Variants in BTBD19 observed in about 807,000 individuals in gnomAD.
BTBD19 encodes BTB/POZ domain-containing protein 19.
BTBD19 carries 20 observed loss-of-function variants against 36.1 expected under a neutral mutation model. That is an observed-to-expected ratio of 0.55 (90% CI 0.39 to 0.80). BTBD19 has a LOEUF of 0.80. BTBD19 is among the 30% of genes least tolerant of loss of function. The probability of loss-of-function intolerance (pLI) is 0.00; values close to 1 mark genes in which losing one functional copy is unlikely to be tolerated. For synonymous variants in BTBD19, 157 were observed against 174.3 expected, an observed-to-expected ratio of 0.90 and a Z score of 0.78; for missense variants, 325 against 389.8, an observed-to-expected ratio of 0.83 and a Z score of 1.40.
At position 44,810,324 on chromosome 1, in the gene BTBD19, C is replaced by T. The variant is rs751794823; in HGVS notation, c.198C>T (p.Pro66=). ...GACTTCTGGGCACAGAGCCAGGCCC[C>T]GGGGTGCCCAGTCCTGTGGTGCTAA... Residue 66 remains proline (P), a synonymous_variant, in exon 2 of 8, where the codon CCC becomes CCT. Transcript: ENST00000450269. The surrounding 1 kb of genome is among the most constrained non-coding windows in gnomAD (Gnocchi z 4.2). 11 of 1,551,706 alleles carry T rather than the reference C, an allele frequency of 7.1e-6. No homozygotes were observed. Among genetic ancestry groups the T allele is most frequent in the African/African-American group, 2.7e-5 (2 of 73,064 alleles).
In BTBD19 at chr1:44,810,860, T is replaced by C. The variant is rs1188018755; in HGVS notation, c.354+253T>C. ...GCTGTAGATACAAAGATATCAGCCTTGATCCGTGTTCTCCAGAGAGGGAGA... is the reference window on the plus strand; with the variant it reads ...GCTGTAGATACAAAGATATCAGCCTCGATCCGTGTTCTCCAGAGAGGGAGA... On this transcript the variant is annotated intron_variant, in intron 3 of 7. Transcript: ENST00000450269. This position sits in a 1 kb window ranked among gnomAD's most constrained non-coding sequence, Gnocchi z 4.2. The C allele has an allele frequency of 5.9e-6, 2 of 340,322 alleles. No individual in the cohort carries two copies. The highest frequency in any genetic ancestry group is 1.2e-5 in the Non-Finnish European group (2 of 172,476). 21.1% of individuals were successfully genotyped at this position (340,322 alleles called of 1,614,324 possible).
At chr1:44,808,778 A>G in exon 1 of BTBD19, 1 of 1,428,270 alleles carries the variant, frequency 7.0e-7, no homozygotes, top group Non-Finnish European at 9.5e-7. Flanking sequence ...GGGCCTGGCC[A>G]GGCCTCCCAG....
chr1:44,808,897 C>A, exon 1 of BTBD19: 1 of 1,549,704 alleles, frequency 6.5e-7, no homozygotes, highest in South Asian at 1.2e-5. Context: ...GTCAACAACC[C>A]GCGATACAGG....
At chr1:44,814,400 C>G (rs1218558011), downstream of BTBD19, 1 of 151,954 alleles carries the variant, frequency 6.6e-6, no homozygotes, top group Non-Finnish European at 1.5e-5. Context: ...CGGGTTCACG[C>G]CGTTCTCCTG....
In BTBD19 at chr1:44,810,055, C is replaced by T. The variant is rs1434150144; in HGVS notation, c.87-158C>T. Among the ~76,000 whole-genome samples, 1 of 152,230 alleles carries T rather than the reference C, an allele frequency of 6.6e-6. No homozygotes were observed. Among genetic ancestry groups the T allele is most frequent in the Non-Finnish European group, 1.5e-5 (1 of 68,044 alleles). ...CCATTAGGTGGAGCTGGGACTAGAA[C>T]TCAGGGCTTTGGGTCCCAGACCTTC... is the stretch of plus-strand genomic sequence containing the variant. On this transcript the variant is annotated intron_variant, in intron 1 of 7. Coordinates refer to ENST00000450269, the Ensembl canonical transcript of BTBD19. The surrounding 1 kb of genome is among the most constrained non-coding windows in gnomAD (Gnocchi z 4.2).
chr1:44,812,849 C>T, intron 4 of BTBD19, 147 bp from the exon 5 acceptor site: 1 of 583,390 alleles, frequency 1.7e-6, no homozygotes, highest in Admixed American at 3.1e-5. Context: ...AGCAGGCTTT[C>T]ATTGGGTCTA....
At chr1:44,812,514 G>A in intron 4 of BTBD19, 1 of 451,326 alleles carries the variant, frequency 2.2e-6, no homozygotes, top group Non-Finnish European at 4.4e-6. Context: ...GACCATCCTG[G>A]CTAACACGGT....
rs536997302 is a variant in BTBD19, at chr1:44,811,922, T to C, written c.355-117T>C. 3.9e-6 allele frequency: 3 copies of C among 761,588 alleles called. No homozygotes were observed. The South Asian group carries it at 4.3e-5, about 11-fold the overall frequency. The allele number at this position is 761,588 out of a possible 1,614,324, so 47.2% of individuals were successfully genotyped here. ...CTGCCTCCCCTGGCCTGGGTCAGGA[T>C]GGGTCTGGGGCTGCTGGGTGACTCA... On this transcript the variant is annotated intron_variant, in intron 3 of 7. Coordinates refer to ENST00000450269, the Ensembl canonical transcript of BTBD19.
At position 44,813,914 on chromosome 1, in the gene BTBD19, T is replaced by G. The variant is rs1652562444; in HGVS notation, c.*142T>G. On this transcript the variant is annotated 3_prime_UTR_variant, in exon 8 of 8. Transcript: ENST00000450269. The surrounding 1 kb of genome is among the most constrained non-coding windows in gnomAD (Gnocchi z 7.8). ...GCCGGGCGCCGGAAGAACCGTTGTC[T>G]GCCACGCGCAGCCCCTTGTGCGGGA... 5 of 1,313,316 alleles carry G rather than the reference T, an allele frequency of 3.8e-6. No individual in the cohort carries two copies. Among genetic ancestry groups the G allele is most frequent in the Non-Finnish European group, 5.3e-6 (5 of 951,216 alleles). 81.4% of individuals were successfully genotyped at this position (1,313,316 alleles called of 1,614,324 possible).
chr1:44,813,488 C>G lies in BTBD19; in HGVS notation c.730C>G (p.Pro244Ala). The stretch of plus-strand genomic sequence containing the variant: ...CCTGGAAGAGCAGAACCGGCAGGAA[C>G]CACTCATCCCGGTGGGGACGCGGGG... The change falls in exon 7 of 8, where the codon CCA (proline) becomes GCA (alanine). Residue 244 changes from proline (P) to alanine (A), a missense_variant. Physicochemically the swap from Pro to Ala is conservative, Grantham distance 27 (BLOSUM62 -1). Transcript: ENST00000450269. The surrounding 1 kb of genome is among the most constrained non-coding windows in gnomAD (Gnocchi z 7.8). 1 of 1,549,578 alleles carries G rather than the reference C, an allele frequency of 6.5e-7. No individual in the cohort carries two copies.
At position 44,810,242 on chromosome 1, in the gene BTBD19, G is replaced by A. The variant is rs147714110; in HGVS notation, c.116G>A (p.Arg39Gln). The A allele has an allele frequency of 4.8e-5, 74 of 1,551,928 alleles. 1 individual carries two copies. In the Middle Eastern group the frequency reaches 6.7e-4, roughly 14 times the overall value. Residue 39 changes from arginine to glutamine, a missense_variant, in exon 2 of 8, where the codon CGG becomes CAG. Coordinates refer to ENST00000450269, the Ensembl canonical transcript of BTBD19. The surrounding 1 kb of genome is among the most constrained non-coding windows in gnomAD (Gnocchi z 4.2). ...GTTTGCTTCGTGGTTGGTCAAGAAC[G>A]GCAGGAGGTATTTGCCCATCGGTGC...
exon 1 of BTBD19, chr1:44,808,814 C>G: frequency 6.5e-7 from 1 of 1,540,882 alleles, no homozygotes; most frequent in Non-Finnish European, 8.8e-7. Flanking sequence ...CCAACCCCTT[C>G]TCACTCATGG....
Position 44,810,852 on chromosome 1 carries a change from A to G in BTBD19, c.354+245A>G. ...TGGCTGGTGCTGTAGATACAAAGATATCAGCCTTGATCCGTGTTCTCCAGA... is the reference window on the plus strand; with the variant it reads ...TGGCTGGTGCTGTAGATACAAAGATGTCAGCCTTGATCCGTGTTCTCCAGA... On this transcript the variant is annotated intron_variant, in intron 3 of 7. Coordinates refer to ENST00000450269, the Ensembl canonical transcript of BTBD19. The surrounding 1 kb of genome is among the most constrained non-coding windows in gnomAD (Gnocchi z 4.2). 1 of 341,390 alleles carries G rather than the reference A, an allele frequency of 2.9e-6. No individual in the cohort carries two copies. The highest frequency in any genetic ancestry group is 2.3e-5 in the South Asian group (1 of 43,892). 21.1% of individuals were successfully genotyped at this position (341,390 alleles called of 1,614,324 possible). A position where few individuals can be genotyped will look rare whatever the true frequency, so the allele number is the denominator to read the frequency against.
chr1:44,810,132 C>A lies in BTBD19; in HGVS notation c.87-81C>A. The A allele has an allele frequency of 1.6e-6, 2 of 1,267,050 alleles. No individual in the cohort carries two copies. The highest frequency in any genetic ancestry group is 2.2e-6 in the Non-Finnish European group (2 of 898,806). The allele number at this position is 1,267,050 out of a possible 1,614,324, so 78.5% of individuals were successfully genotyped here. A position where few individuals can be genotyped will look rare whatever the true frequency, so the allele number is the denominator to read the frequency against. ...TACATTCTGGTTAGGAAACTAAGAC[C>A]CAGAGTGGGCAAAGGCACAGCCCAA... On this transcript the variant is annotated intron_variant, in intron 1 of 7. Transcript: ENST00000450269. This position sits in a 1 kb window ranked among gnomAD's most constrained non-coding sequence, Gnocchi z 4.2.
chr1:44,813,026 C>CA lies in BTBD19; in HGVS notation c.446dup (p.Glu150GlyfsTer43). On this transcript the variant is annotated frameshift_variant, in exon 5 of 8. Transcript: ENST00000450269. LOFTEE classifies it high-confidence loss of function. The surrounding 1 kb of genome is among the most constrained non-coding windows in gnomAD (Gnocchi z 7.8). ...CGTAACCTTTGGCCTGGGGCAGCTG[C>CA]AGGAGCGCTGCGTGGCTTTCATAGA... The CA allele has an allele frequency of 6.4e-7, 1 of 1,551,504 alleles. No individual in the cohort carries two copies. The highest frequency in any genetic ancestry group is 1.2e-5 in the South Asian group (1 of 84,002).
At position 44,810,418 on chromosome 1, in the gene BTBD19, C is replaced by T. The variant is rs372329975; in HGVS notation, c.292C>T (p.Arg98Cys). 52 of 1,551,346 alleles carry T rather than the reference C, an allele frequency of 3.4e-5. No individual in the cohort carries two copies. The highest frequency in any genetic ancestry group is 1.1e-4 in the African/African-American group (8 of 73,028). Reference sequence around the variant, plus strand: ...ATATACCAACAGTGTCAAGCTGTACCGCCACTCTGTGAGCCTGCTGACCAG... The same window carrying T: ...ATATACCAACAGTGTCAAGCTGTACTGCCACTCTGTGAGCCTGCTGACCAG... The change falls in exon 2 of 8, where the codon CGC becomes TGC. Residue 98 changes from arginine (R) to cysteine (C), a missense_variant. Coordinates refer to ENST00000450269, the Ensembl canonical transcript of BTBD19. This position sits in a 1 kb window ranked among gnomAD's most constrained non-coding sequence, Gnocchi z 4.2.
chr1:44,813,311 C>T lies in BTBD19; in HGVS notation c.615+42C>T, dbSNP rs1652521854. The T allele has an allele frequency of 2.0e-6, 3 of 1,538,236 alleles. No individual in the cohort carries two copies. Among genetic ancestry groups the T allele is most frequent in the Non-Finnish European group, 2.6e-6 (3 of 1,145,364 alleles). ...GAGCGCAAGGGCACGGAAGGAGGTG[C>T]TGGCCACGAGACTGGTGAGCGGGCG... On this transcript the variant is annotated intron_variant, in intron 6 of 7. Transcript: ENST00000450269. The surrounding 1 kb of genome is among the most constrained non-coding windows in gnomAD (Gnocchi z 7.8).
rs1211995811 is a variant in BTBD19 at position 44,813,695 on chromosome 1, CG to C, written c.803del (p.Gly268AlafsTer103). The C allele has an allele frequency of 1.3e-6, 2 of 1,551,290 alleles. No homozygotes were observed. The highest frequency in any genetic ancestry group is 1.7e-6 in the Non-Finnish European group (2 of 1,146,838). Reference sequence around the variant, plus strand: ...TGCCCTGCGGAGAGGGGATGAGGCCCGGGGCGCCCCGTGTCGCCGCCGGAGA... The same window carrying C: ...TGCCCTGCGGAGAGGGGATGAGGCCCGGGCGCCCCGTGTCGCCGCCGGAGA... On this transcript the variant is annotated frameshift_variant, in exon 8 of 8. Transcript: ENST00000450269. LOFTEE classifies it high-confidence loss of function. This position sits in a 1 kb window ranked among gnomAD's most constrained non-coding sequence, Gnocchi z 7.8.
chr1:44,813,372 A>T lies in BTBD19; in HGVS notation c.616-2A>T, dbSNP rs1447470940. 4 of 1,546,152 alleles carry T rather than the reference A, an allele frequency of 2.6e-6. No individual in the cohort carries two copies. The highest frequency in any genetic ancestry group is 3.5e-6 in the Non-Finnish European group (4 of 1,146,608). Reference sequence around the variant, plus strand: ...TGCCCGACTCAGGGCTGGCGTTTGCAGGCGGTGCTGGAGCGGCCGGTGGCT... The same window carrying T: ...TGCCCGACTCAGGGCTGGCGTTTGCTGGCGGTGCTGGAGCGGCCGGTGGCT... On this transcript the variant is annotated splice_acceptor_variant, in intron 6 of 7. Transcript: ENST00000450269. LOFTEE classifies it high-confidence loss of function. This position sits in a 1 kb window ranked among gnomAD's most constrained non-coding sequence, Gnocchi z 7.8.
Sources: gnomAD v4.1 joint callset for allele counts (sites outside exome capture counted in the v4.1 genomes callset) on GRCh38, gnomAD v4.1.1 for gene constraint, Gnocchi (gnomAD v3.1) non-coding constraint, MANE v1.5 for transcripts, NCBI Gene and HGNC (gene_info 2026-07-23, HGNC 2026-07-21) for gene names.